RAPGEF4: variants seen among roughly 807,000 people sequenced by gnomAD.
RAPGEF4 encodes the protein Rap guanine nucleotide exchange factor 4, also known as RAP guanine-nucleotide-exchange factor (GEF) 4.
RAPGEF4 carries 66 observed loss-of-function variants against 147.9 expected under a neutral mutation model. The ratio of observed to expected loss-of-function variants is 0.45; its 90% CI spans 0.37 to 0.55. The LOEUF (loss-of-function observed/expected upper bound fraction) is 0.55. Ranked by LOEUF, RAPGEF4 falls within the 20% of genes least tolerant of loss-of-function variation. The pLI is 0.00. For missense variants in RAPGEF4, 1,071 were observed against 1,257.3 expected, an observed-to-expected ratio of 0.85 and a Z score of 2.24; for synonymous variants, 419 against 442.7, an observed-to-expected ratio of 0.95 and a Z score of 0.67.
intron 26 of RAPGEF4, 31 bp from the exon 27 acceptor site, chr2:173,033,883 T>C (rs1271866939): frequency 6.2e-7 from 1 of 1,604,512 alleles, no homozygotes; most frequent in East Asian, 2.2e-5. Context: ...GAATCTGACA[T>C]ATGCGTGTGG....
Position 172,878,567 on chromosome 2 carries a change from A to G in RAPGEF4, c.445-39235A>G, listed in dbSNP as rs114206603. The stretch of plus-strand genomic sequence containing the variant: ...GGAAGAAGCTCAGGAAAGGGACAGC[A>G]TATTTCACTGAGAGCCATCAGAACT... On this transcript the variant is annotated intron_variant, in intron 4 of 30. Transcript: ENST00000397081. Among the ~76,000 whole-genome samples, 633 of 152,338 alleles carry G rather than the reference A, an allele frequency of 4.2e-3. 3 individuals carry two copies. The highest frequency in any genetic ancestry group is 0.015 in the African/African-American group (603 of 41,582).
intron 1 of RAPGEF4, among the ~76,000 whole-genome samples, chr2:172,761,088 G>A (rs866924379): frequency 2.0e-5 from 3 of 149,750 alleles, no homozygotes; most frequent in South Asian, 4.3e-4. Flanking sequence ...AGAATGAAGT[G>A]GAACATTTTT....
chr2:172,830,833 A>T (rs1446211559), intron 4 of RAPGEF4, among the ~76,000 whole-genome samples: 4 of 152,200 alleles, frequency 2.6e-5, no homozygotes, highest in Non-Finnish European at 4.4e-5. Context: ...TAGGTAATAC[A>T]TACATGTGGT....
At chr2:172,897,788 G>A (rs1249321058) in intron 4 of RAPGEF4, among the ~76,000 whole-genome samples, 1 of 38,064 alleles carries the variant, frequency 2.6e-5, no homozygotes, top group African/African-American at 1.1e-4. Context: ...GCAAACATCA[G>A]CCAGAGAGTT....
Position 172,997,662 on chromosome 2 carries a change from A to G in RAPGEF4, c.1579+1108A>G, listed in dbSNP as rs572129907. On this transcript the variant is annotated intron_variant, in intron 16 of 30. Transcript: ENST00000397081. ...CGCAACGTGTTTTTTTTTTAATCCT[A>G]TGCTACTGCCTGTCTCTCAGAATAA... Among the ~76,000 whole-genome samples the G allele has an allele frequency of 4.6e-5, 7 of 152,130 alleles. No individual in the cohort carries two copies. In the East Asian group the frequency reaches 1.4e-3, roughly 29 times the overall value.
At chr2:172,949,879 T>C (rs1052018414) in intron 6 of RAPGEF4, among the ~76,000 whole-genome samples, 3 of 152,236 alleles carry the variant, frequency 2.0e-5, no homozygotes, top group Non-Finnish European at 1.5e-5. Context: ...AGTTTGTTAC[T>C]GTGACATAGT....
chr2:173,010,936 A>C (rs933266276), intron 17 of RAPGEF4, among the ~76,000 whole-genome samples: 9 of 152,318 alleles, frequency 5.9e-5, no homozygotes, highest in South Asian at 4.1e-4. Flanking sequence ...AACATCCATG[A>C]GGGGACAAAT....
chr2:173,043,568 A>T (rs1042661369), intron 29 of RAPGEF4, among the ~76,000 whole-genome samples: 1 of 152,212 alleles, frequency 6.6e-6, no homozygotes, highest in African/African-American at 2.4e-5. Context: ...CAAAGGGGGA[A>T]CTTGGACTAG....
chr2:173,033,180 A>G lies in RAPGEF4; in HGVS notation c.2650-734A>G, dbSNP rs368835152. Among the ~76,000 whole-genome samples the G allele has an allele frequency of 2.6e-5, 4 of 152,344 alleles. No individual in the cohort carries two copies. In the East Asian group the frequency reaches 7.7e-4, roughly 29 times the overall value. On this transcript the variant is annotated intron_variant, in intron 26 of 30. Coordinates refer to ENST00000397081, the MANE Select transcript of RAPGEF4 (RefSeq NM_007023.4). ...AATTGATAGAACTATCCAATTTTGT[A>G]TTATAGGAAGGCATGTGGGAGAAAT... is the stretch of plus-strand genomic sequence containing the variant.
chr2:173,039,322 G>A lies in RAPGEF4; in HGVS notation c.2853+2630G>A, dbSNP rs540605838. Among the ~76,000 whole-genome samples, 57 of 151,950 alleles carry A rather than the reference G, an allele frequency of 3.8e-4. No individual in the cohort carries two copies. The South Asian group carries it at 9.8e-3, about 26-fold the overall frequency. ...AATACAAAAAAAAAAAAAATTAGCC[G>A]GGTGTGGTGGCGGGCACCTGTAGTC... On this transcript the variant is annotated intron_variant, in intron 29 of 30. Coordinates refer to ENST00000397081, the MANE Select transcript of RAPGEF4 (RefSeq NM_007023.4).
At chr2:173,014,798 C>T (rs1157428081) in intron 18 of RAPGEF4, among the ~76,000 whole-genome samples, 184 bp downstream of exon 18, 3 of 152,228 alleles carry the variant, frequency 2.0e-5, no homozygotes, top group Non-Finnish European at 4.4e-5. Context: ...TTCTGCCATT[C>T]TGACTCCCTA....
chr2:173,026,437 C>A, intron 23 of RAPGEF4, 135 bp from the exon 24 acceptor site: 1 of 939,106 alleles, frequency 1.1e-6, no homozygotes, highest in Non-Finnish European at 1.5e-6. Context: ...AGAGGCATCT[C>A]TCCTCAGAGT....
At chr2:172,903,445 G>A (rs1479437118) in intron 4 of RAPGEF4, among the ~76,000 whole-genome samples, 1 of 151,564 alleles carries the variant, frequency 6.6e-6, no homozygotes, top group African/African-American at 2.4e-5. Flanking sequence ...GGCTGAGGCA[G>A]GAGAATCTCT....
intron 4 of RAPGEF4, among the ~76,000 whole-genome samples, chr2:172,815,706 T>C (rs1490785602): frequency 1.3e-5 from 2 of 152,212 alleles, no homozygotes; most frequent in African/African-American, 4.8e-5. Flanking sequence ...AACTGTGATG[T>C]GTGTCATTAT....
chr2:172,988,579 G>T, intron 13 of RAPGEF4, 114 bp from the exon 14 acceptor site: 1 of 1,268,044 alleles, frequency 7.9e-7, no homozygotes. Context: ...GCATCGCTAG[G>T]TACAGCCCAT....
chr2:172,861,242 C>G (rs1694011956), intron 4 of RAPGEF4, among the ~76,000 whole-genome samples: 1 of 151,956 alleles, frequency 6.6e-6, no homozygotes, highest in Admixed American at 6.5e-5. Flanking sequence ...ATGGCCCAGA[C>G]AGTGTGATCA....
intron 4 of RAPGEF4, among the ~76,000 whole-genome samples, chr2:172,916,098 A>G (rs1184353551): frequency 6.6e-6 from 1 of 152,162 alleles, no homozygotes; most frequent in Non-Finnish European, 1.5e-5. Context: ...TGTTCCCACT[A>G]GCAGCGACCC....
At chr2:172,912,212 C>T (rs751032317) in intron 4 of RAPGEF4, among the ~76,000 whole-genome samples, 1 of 152,218 alleles carries the variant, frequency 6.6e-6, no homozygotes, top group Non-Finnish European at 1.5e-5. Flanking sequence ...TTATTAGTTA[C>T]TGTCTCTGTT....
At chr2:172,779,542 G>T (rs1574809184) in intron 1 of RAPGEF4, among the ~76,000 whole-genome samples, 1 of 152,228 alleles carries the variant, frequency 6.6e-6, no homozygotes, top group East Asian at 1.9e-4. Context: ...AGGAGACGAG[G>T]TTCCAAGGGA....
Sources: gnomAD v4.1 joint callset for allele counts (sites outside exome capture counted in the v4.1 genomes callset) on GRCh38, gnomAD v4.1.1 for gene constraint, MANE v1.5 for transcripts, NCBI Gene and HGNC (gene_info 2026-07-23, HGNC 2026-07-21) for gene names.